PLA2G4A: variants seen among roughly 807,000 people sequenced by gnomAD.
PLA2G4A encodes the protein cytosolic phospholipase A2.
PLA2G4A carries 40 observed loss-of-function variants against 81.9 expected under a neutral mutation model. The ratio of observed to expected loss-of-function variants is 0.49; its 90% CI spans 0.38 to 0.64. PLA2G4A has a LOEUF of 0.64. Ranked by LOEUF, PLA2G4A falls within the 30% of genes least tolerant of loss-of-function variation. PLA2G4A has a pLI of 0.00. For synonymous variants in PLA2G4A, 302 were observed against 296.9 expected, an observed-to-expected ratio of 1.02 and a Z score of -0.18; for missense variants, 715 against 905.1, an observed-to-expected ratio of 0.79 and a Z score of 2.69.
intron 1 of PLA2G4A, among the ~76,000 whole-genome samples, chr1:186,829,328 G>A (rs1449245847): frequency 6.6e-6 from 1 of 152,138 alleles, no homozygotes; most frequent in African/African-American, 2.4e-5. Context: ...CATTCAAAAC[G>A]GCGGTGAGGT....
In PLA2G4A at chr1:186,911,385, G is replaced by A. The variant is rs755552586; in HGVS notation, c.554G>A (p.Arg185His). Residue 185 changes from arginine to histidine, a missense_variant, in exon 7 of 18, where the codon CGT (arginine) becomes CAT (histidine). Arg to His is a conservative substitution (Grantham distance 29). Transcript: ENST00000367466. Reference protein sequence around the residue: ...PKNSEGLHSARDVPVVAILGS... With the variant: ...PKNSEGLHSAHDVPVVAILGS... Reference sequence around the variant, plus strand: ...AATAGTGAAGGATTGCATTCTGCACGTGATGTGAGTTGGAAATTTTTCAAG... The same window carrying A: ...AATAGTGAAGGATTGCATTCTGCACATGATGTGAGTTGGAAATTTTTCAAG... 28 of 1,607,474 alleles carry A rather than the reference G, an allele frequency of 1.7e-5. No individual in the cohort carries two copies. Among genetic ancestry groups the A allele is most frequent in the Middle Eastern group, 1.6e-4 (1 of 6,066 alleles).
chr1:186,915,143 A>G (rs1655094433), intron 7 of PLA2G4A, among the ~76,000 whole-genome samples: 1 of 152,134 alleles, frequency 6.6e-6, no homozygotes, highest in South Asian at 2.1e-4. Flanking sequence ...TTGCACGGGC[A>G]TGTGTGCCAG....
chr1:186,908,177 T>C (rs984502823), intron 6 of PLA2G4A, among the ~76,000 whole-genome samples: 1 of 152,080 alleles, frequency 6.6e-6, no homozygotes, highest in Middle Eastern at 3.2e-3. Flanking sequence ...AAGAATTAAT[T>C]AGAAAGTTAA....
intron 10 of PLA2G4A, among the ~76,000 whole-genome samples, chr1:186,941,814 C>T (rs1656165613): frequency 6.6e-6 from 1 of 152,072 alleles, no homozygotes; most frequent in African/African-American, 2.4e-5. Flanking sequence ...AGTTAAGGCA[C>T]AAGAGAGTAC....
intron 1 of PLA2G4A, among the ~76,000 whole-genome samples, chr1:186,852,290 C>A (rs1652402510): frequency 6.6e-6 from 1 of 151,824 alleles, no homozygotes; most frequent in South Asian, 2.1e-4. Flanking sequence ...GCGGTTTTGC[C>A]AATTTTAAAT....
At chr1:186,886,720 G>T (rs1049682061) in intron 3 of PLA2G4A, among the ~76,000 whole-genome samples, 1 of 152,030 alleles carries the variant, frequency 6.6e-6, no homozygotes, top group Non-Finnish European at 1.5e-5. Flanking sequence ...TTATTTTCTC[G>T]TGGCCATTTG....
intron 17 of PLA2G4A, among the ~76,000 whole-genome samples, chr1:186,985,873 T>C (rs1341692230): frequency 6.6e-6 from 1 of 152,178 alleles, no homozygotes; most frequent in Non-Finnish European, 1.5e-5. Flanking sequence ...AGATGACTTC[T>C]TGTATAATAA....
intron 2 of PLA2G4A, among the ~76,000 whole-genome samples, chr1:186,867,508 T>TG (rs34920672): frequency 0.84 from 128,234 of 152,000 alleles, 54,260 homozygotes; most frequent in African/African-American, 0.9. Flanking sequence ...TGTTCATTTC[T>TG]GTATATAGAA....
intron 5 of PLA2G4A, among the ~76,000 whole-genome samples, chr1:186,902,896 AAAAAG>A: frequency 6.6e-6 from 1 of 151,998 alleles, no homozygotes; most frequent in South Asian, 2.1e-4. Context: ...AAAAAAAAGA[AAAAAG>A]AAAAGAAAAA....
Position 186,939,005 on chromosome 1 carries a change from T to C in PLA2G4A, c.696-3T>C, listed in dbSNP as rs781767526. On this transcript the variant is annotated splice_polypyrimidine_tract_variant and splice_region_variant and intron_variant, in intron 8 of 17. Transcript: ENST00000367466. Reference sequence around the variant, plus strand: ...TACTGATTGTGTTTTGTTTTCTGTATAGGTATATGTCAACCTTGTATTCTC... The same window carrying C: ...TACTGATTGTGTTTTGTTTTCTGTACAGGTATATGTCAACCTTGTATTCTC... 5.9e-5 allele frequency: 86 copies of C among 1,457,238 alleles called. 1 individual carries two copies. The highest frequency in any genetic ancestry group is 3.5e-4 in the South Asian group (31 of 87,898). 90.3% of individuals were successfully genotyped at this position (1,457,238 alleles called of 1,614,324 possible).
chr1:186,837,124 G>T (rs558042551), intron 1 of PLA2G4A, among the ~76,000 whole-genome samples: 2 of 152,286 alleles, frequency 1.3e-5, no homozygotes, highest in East Asian at 3.9e-4. Flanking sequence ...GGTTCTAGAG[G>T]AAAGAGGTTG....
At chr1:186,850,689 T>C (rs1436676462) in intron 1 of PLA2G4A, among the ~76,000 whole-genome samples, 1 of 152,094 alleles carries the variant, frequency 6.6e-6, no homozygotes. Context: ...ATTACAGCTT[T>C]TAACACAGAA....
intron 2 of PLA2G4A, among the ~76,000 whole-genome samples, chr1:186,863,472 A>G (rs1050708319): frequency 1.3e-5 from 2 of 152,146 alleles, no homozygotes; most frequent in African/African-American, 4.8e-5. Context: ...CATCTCATAC[A>G]TTTATCACAT....
At chr1:186,904,172 G>A (rs1654648646) in intron 5 of PLA2G4A, among the ~76,000 whole-genome samples, 1 of 152,166 alleles carries the variant, frequency 6.6e-6, no homozygotes, top group Non-Finnish European at 1.5e-5. Context: ...TTCCGCTGGG[G>A]AATTTAAAGA....
chr1:186,946,599 C>G, intron 10 of PLA2G4A, 38 bp from the exon 11 acceptor site: 1 of 1,483,476 alleles, frequency 6.7e-7, no homozygotes, highest in Non-Finnish European at 9.4e-7. Flanking sequence ...ATAGCATTTT[C>G]CTATTAATGG....
intron 2 of PLA2G4A, among the ~76,000 whole-genome samples, chr1:186,859,367 T>G (rs955869356): frequency 1.3e-5 from 2 of 152,156 alleles, no homozygotes; most frequent in African/African-American, 2.4e-5. Context: ...CCTTCAAAAT[T>G]TATTGAAGTT....
At chr1:186,968,844 A>G (rs1277035879) in intron 15 of PLA2G4A, among the ~76,000 whole-genome samples, 2 of 151,708 alleles carry the variant, frequency 1.3e-5, no homozygotes, top group Non-Finnish European at 2.9e-5. Flanking sequence ...CTAATTATAT[A>G]TTTGAGTCTC....
At chr1:186,879,031 A>G (rs1220669826) in intron 3 of PLA2G4A, among the ~76,000 whole-genome samples, 4 of 151,872 alleles carry the variant, frequency 2.6e-5, no homozygotes, top group African/African-American at 9.7e-5. Context: ...AATATTATAA[A>G]ATCTTTCTTA....
At chr1:186,972,803 G>C (rs929394378) in intron 15 of PLA2G4A, among the ~76,000 whole-genome samples, 1 of 152,086 alleles carries the variant, frequency 6.6e-6, no homozygotes, top group African/African-American at 2.4e-5. Flanking sequence ...TGGAAGTAAT[G>C]TATCTAAATT....
Sources: gnomAD v4.1 joint callset for allele counts (sites outside exome capture counted in the v4.1 genomes callset) on GRCh38, gnomAD v4.1.1 for gene constraint, MANE v1.5 for transcripts, NCBI Gene and HGNC (gene_info 2026-07-23, HGNC 2026-07-21) for gene names.